The following GPR174 variants were observed in gnomAD, a reference collection of about 807,000 sequenced individuals.
The protein encoded by GPR174 is probable G protein-coupled receptor 174.
A neutral mutation model predicts 16.5 loss-of-function variants in GPR174; 8 were observed. The ratio of observed to expected loss-of-function variants is 0.48; its 90% CI spans 0.28 to 0.87. The LOEUF is 0.87. Ranked by LOEUF, GPR174 falls within the 40% of genes least tolerant of loss-of-function variation. The pLI is 0.09. For missense variants in GPR174, 214 were observed against 247.5 expected, an observed-to-expected ratio of 0.86 and a Z score of 0.91; for synonymous variants, 111 against 94.8, an observed-to-expected ratio of 1.17 and a Z score of -0.99.
intron 2 of GPR174, among the ~76,000 whole-genome samples, chrX:79,169,923 T>C (rs1002023202): frequency 3.6e-5 from 4 of 112,080 alleles, no homozygotes; most frequent in Non-Finnish European, 7.5e-5. Flanking sequence ...CAAGGACAAA[T>C]GCTGGGCTGG....
chrX:79,160,243 C>T (rs1303644533), intron 2 of GPR174, among the ~76,000 whole-genome samples: 1 of 110,613 alleles, frequency 9.0e-6, no homozygotes, highest in African/African-American at 3.3e-5. Flanking sequence ...CTATGAATGG[C>T]TTTTGATTGT....
rs1921600113 is a variant in GPR174 at position 79,174,702 on chromosome X, C to T, written c.*2693C>T. ...ACCTTCTTTTCATTTTGCCTCTCTC[C>T]TTTCCTACGTTGGGCCTGATTTTCA... On this transcript the variant is annotated 3_prime_UTR_variant, in exon 3 of 3. Transcript: ENST00000645147. 3 of 111,436 alleles carry T rather than the reference C, an allele frequency of 2.7e-5. No individual in the cohort carries two copies. The highest frequency in any genetic ancestry group is 7.7e-4 in the South Asian group (2 of 2,613). The allele number at this position is 111,436 out of a possible 1,213,427, so 9.2% of individuals were successfully genotyped here. A position where few individuals can be genotyped will look rare whatever the true frequency, so the allele number is the denominator to read the frequency against.
At chrX:79,152,708 C>A (rs1212344060) in intron 1 of GPR174, among the ~76,000 whole-genome samples, 1 of 111,559 alleles carries the variant, frequency 9.0e-6, no homozygotes, top group African/African-American at 3.3e-5. Flanking sequence ...AACTCATGTT[C>A]CTTTGGGGCT....
rs752002931 is a variant in GPR174 at position 79,166,756 on chromosome X, C to T, written c.-556-3696C>T. 9.0e-5 allele frequency among the ~76,000 whole-genome samples: 10 copies of T among 111,042 alleles called. No individual in the cohort carries two copies. In the South Asian group the frequency reaches 2.3e-3, roughly 25 times the overall value. On this transcript the variant is annotated intron_variant, in intron 2 of 2. Transcript: ENST00000645147. The stretch of plus-strand genomic sequence containing the variant: ...GGCCTAAAGGGTTCTTCTTACTACA[C>T]TAGACTCTGGTTTAGATCTAAACTT...
At chrX:79,151,559 A>G (rs1926602257) in intron 1 of GPR174, among the ~76,000 whole-genome samples, 1 of 111,412 alleles carries the variant, frequency 9.0e-6, no homozygotes, top group Admixed American at 9.6e-5. Flanking sequence ...CGATGAAGCT[A>G]TAACTCACTA....
chrX:79,152,238 G>A (rs776429132), intron 1 of GPR174, among the ~76,000 whole-genome samples: 5 of 111,464 alleles, frequency 4.5e-5, no homozygotes, highest in African/African-American at 1.6e-4. Flanking sequence ...TAAGGAATTC[G>A]AATTTGGGAG....
rs984517577 is a variant in GPR174, at chrX:79,174,195, A to G, written c.*2186A>G. 3 of 109,358 alleles carry G rather than the reference A, an allele frequency of 2.7e-5. No homozygotes were observed. Among genetic ancestry groups the G allele is most frequent in the Non-Finnish European group, 3.8e-5 (2 of 52,546 alleles). The allele number at this position is 109,358 out of a possible 1,213,427, so 9.0% of individuals were successfully genotyped here. A position where few individuals can be genotyped will look rare whatever the true frequency, so the allele number is the denominator to read the frequency against. On this transcript the variant is annotated 3_prime_UTR_variant, in exon 3 of 3. Transcript: ENST00000645147. The stretch of plus-strand genomic sequence containing the variant: ...TAGGCAGCCCATTTACATCATTCCA[A>G]AAAAGGACCAGTATTCAGTGTTATG...
At chrX:79,164,022 A>G (rs1341607382) in intron 2 of GPR174, among the ~76,000 whole-genome samples, 1 of 111,603 alleles carries the variant, frequency 9.0e-6, no homozygotes, top group African/African-American at 3.3e-5. Context: ...GAAAAATGTG[A>G]CAACAGTACT....
In GPR174 at chrX:79,166,416, TTTTC is replaced by T. The variant is rs1292377553; in HGVS notation, c.-556-4032_-556-4029del. On this transcript the variant is annotated intron_variant, in intron 2 of 2. Coordinates refer to ENST00000645147, the MANE Select transcript of GPR174 (RefSeq NM_032553.3). ...ATATATAAACTTAAAGGGATCTTTTTTTTCTTTTCTTTTTTCTTTTTTTTTTTTT... is the reference window on the plus strand; with the variant it reads ...ATATATAAACTTAAAGGGATCTTTTTTTTTCTTTTTTCTTTTTTTTTTTTT... 4.0e-5 allele frequency among the ~76,000 whole-genome samples: 4 copies of T among 100,061 alleles called. No homozygotes were observed. In the South Asian group the frequency reaches 1.4e-3, roughly 35 times the overall value. 86.9% of individuals were successfully genotyped at this position (100,061 alleles called of 115,157 possible). A position where few individuals can be genotyped will look rare whatever the true frequency, so the allele number is the denominator to read the frequency against.
In GPR174 at chrX:79,174,192, C is replaced by G. The variant is rs1243745344; in HGVS notation, c.*2183C>G. 1 of 109,308 alleles carries G rather than the reference C, an allele frequency of 9.1e-6. No individual in the cohort carries two copies. Among genetic ancestry groups the G allele is most frequent in the African/African-American group, 3.3e-5 (1 of 30,061 alleles). 9.0% of individuals were successfully genotyped at this position (109,308 alleles called of 1,213,427 possible). A position where few individuals can be genotyped will look rare whatever the true frequency, so the allele number is the denominator to read the frequency against. On this transcript the variant is annotated 3_prime_UTR_variant, in exon 3 of 3. Transcript: ENST00000645147. ...TGTTAGGCAGCCCATTTACATCATT[C>G]CAAAAAAGGACCAGTATTCAGTGTT...
intron 1 of GPR174, among the ~76,000 whole-genome samples, chrX:79,155,451 T>C (rs1921074354): frequency 1.8e-5 from 2 of 111,554 alleles, no homozygotes; most frequent in Admixed American, 9.6e-5. Flanking sequence ...CACTATTTTT[T>C]CCTCATCAGG....
intron 2 of GPR174, among the ~76,000 whole-genome samples, chrX:79,158,180 T>C (rs1026100847): frequency 1.4e-4 from 15 of 106,643 alleles, no homozygotes; most frequent in Non-Finnish European, 2.1e-4. Flanking sequence ...CTTTTCTTTT[T>C]TTTTTTGTTA....
chrX:79,166,639 A>G (rs1423614796), intron 2 of GPR174, among the ~76,000 whole-genome samples: 1 of 108,003 alleles, frequency 9.3e-6, no homozygotes, highest in Non-Finnish European at 1.9e-5. Flanking sequence ...GGGTTTCACT[A>G]TGTTGGCCAG....
At chrX:79,148,875 C>T (rs1269612532) in intron 1 of GPR174, among the ~76,000 whole-genome samples, 2 of 111,572 alleles carry the variant, frequency 1.8e-5, no homozygotes, top group Non-Finnish European at 3.8e-5. Context: ...GTGATGAAAT[C>T]CTTTACTGTT....
Position 79,171,689 on chromosome X carries a change from G to T in GPR174, c.682G>T (p.Ala228Ser). ...CCAAGATCTTGGAGAGAAACAGAAA[G>T]CCTTGAAGATGATTCTAACCTGTGC... ...MAQDLGEKQKALKMILTCAGV... is the reference protein window; with the variant it reads ...MAQDLGEKQKSLKMILTCAGV... The change falls in exon 3 of 3, where the codon GCC becomes TCC. Residue 228 changes from alanine (A) to serine (S), a missense_variant. By Grantham distance (99) the Ala-to-Ser change is moderately conservative (BLOSUM62 1). Transcript: ENST00000645147. 1 of 1,211,304 alleles carries T rather than the reference G, an allele frequency of 8.3e-7. No individual in the cohort carries two copies. The highest frequency in any genetic ancestry group is 1.8e-5 in the South Asian group (1 of 56,976).
At chrX:79,161,664 A>T (rs947636693) in intron 2 of GPR174, among the ~76,000 whole-genome samples, 2 of 111,891 alleles carry the variant, frequency 1.8e-5, no homozygotes, top group Admixed American at 1.9e-4. Context: ...CCCATGGCAC[A>T]AATAAAAGGG....
intron 1 of GPR174, among the ~76,000 whole-genome samples, chrX:79,151,481 T>A (rs958866168): frequency 1.8e-5 from 2 of 111,568 alleles, no homozygotes; most frequent in African/African-American, 6.5e-5. Flanking sequence ...CATGTCTATC[T>A]TGGTTGAGTT....
At position 79,161,496 on chromosome X, in the gene GPR174, C is replaced by T. The variant is rs182731380; in HGVS notation, c.-557+4578C>T. ...TCTCTGTTTAGATTTTCACACCATA[C>T]ATTTAAGGGAAGGAAGTTAGAAATA... is the stretch of plus-strand genomic sequence containing the variant. On this transcript the variant is annotated intron_variant, in intron 2 of 2. Transcript: ENST00000645147. Among the ~76,000 whole-genome samples the T allele has an allele frequency of 5.1e-4, 57 of 111,739 alleles. No homozygotes were observed. The Middle Eastern group carries it at 0.018, about 36-fold the overall frequency.
chrX:79,166,432 C>CTTTTTT (rs1174620976), intron 2 of GPR174, among the ~76,000 whole-genome samples: 482 of 43,676 alleles, frequency 0.011, 3 homozygotes, highest in Admixed American at 0.013. Context: ...TTTCTTTTTT[C>CTTTTTT]TTTTTTTTTT....
Sources: allele counts gnomAD v4.1 joint callset (sites outside exome capture counted in the v4.1 genomes callset), GRCh38; gene constraint gnomAD v4.1.1; transcripts MANE v1.5; gene names NCBI Gene and HGNC (gene_info 2026-07-23, HGNC 2026-07-21).